SNW1: variants seen among roughly 807,000 people sequenced by gnomAD.
SNW1 encodes the protein SNW domain-containing protein 1.
Under a neutral mutation model 75.6 loss-of-function variants are expected in SNW1, and 9 were observed. The ratio of observed to expected loss-of-function variants is 0.12; its 90% CI spans 0.07 to 0.21. The LOEUF is 0.21. Ranked by LOEUF, SNW1 falls within the 10% of genes least tolerant of loss-of-function variation. The pLI is 1.00. For missense variants in SNW1, 409 were observed against 670.9 expected (o/e 0.61, Z 4.31); for synonymous variants, 200 against 219.1 (o/e 0.91, Z 0.77).
chr14:77,751,845 C>A lies in SNW1; in HGVS notation c.169-365G>T, dbSNP rs7492354. ...ACACACACACACACACACACACACA[C>A]CACACACACACACACACAAAGCATT... is the stretch of plus-strand genomic sequence containing the variant. On this transcript the variant is annotated intron_variant, in intron 2 of 13. Transcript: ENST00000261531. Among the ~76,000 whole-genome samples the A allele has an allele frequency of 8.8e-4, 108 of 122,634 alleles. 1 individual carries two copies. Among genetic ancestry groups the A allele is most frequent in the African/African-American group, 2.4e-3 (63 of 26,692 alleles). 80.5% of individuals were successfully genotyped at this position (122,634 alleles called of 152,430 possible). A position where few individuals can be genotyped will look rare whatever the true frequency, so the allele number is the denominator to read the frequency against.
At chr14:77,723,434 CT>C (rs2080559801) in intron 10 of SNW1, among the ~76,000 whole-genome samples, 157 bp from the exon 11 acceptor site, 2 of 152,242 alleles carry the variant, frequency 1.3e-5, no homozygotes, top group Admixed American at 6.5e-5. Context: ...ACTGCAGCCA[CT>C]ACCTCCTGGA....
chr14:77,760,791 T>C (rs907157083), intron 1 of SNW1: 8 of 707,400 alleles, frequency 1.1e-5, no homozygotes, highest in Admixed American at 2.0e-5. Context: ...CCCCATCTCG[T>C]TCGCCCGAGC....
chr14:77,758,315 C>CAAAAAAAAAAAAAAAAA (rs55707854), intron 1 of SNW1, among the ~76,000 whole-genome samples: 56 of 85,806 alleles, frequency 6.5e-4, no homozygotes, highest in Non-Finnish European at 8.8e-4. Context: ...GACTCTGCCA[C>CAAAAAAAAAAAAAAAAA]AAAAAAAAAA....
In SNW1 at chr14:77,723,275, C is replaced by T; in HGVS notation, c.1036G>A (p.Asp346Asn). 1 of 1,612,774 alleles carries T rather than the reference C, an allele frequency of 6.2e-7. No individual in the cohort carries two copies. Among genetic ancestry groups the T allele is most frequent in the Non-Finnish European group, 8.5e-7 (1 of 1,178,862 alleles). ...AGIKTHVEKE[D>N]GEARERDEIR... ...TCATCCCTCTCACGTGCCTCCCCAT[C>T]CTCTGTGTGAACAGTTGAAAAGTAC... Residue 346 changes from aspartate (D) to asparagine (N), a missense_variant and splice_region_variant, in exon 11 of 14, where the codon GAT becomes AAT. Asp to Asn is a conservative substitution (Grantham distance 23). Around this residue, in one of 9 missense-constraint regions of SNW1, gnomAD observed 37 missense variants for 110.0 expected, o/e 0.34. Coordinates refer to ENST00000261531, the MANE Select transcript of SNW1 (RefSeq NM_012245.3).
At chr14:77,751,198 C>T in intron 3 of SNW1, 121 bp downstream of exon 3, 1 of 998,832 alleles carries the variant, frequency 1.0e-6, no homozygotes, top group Non-Finnish European at 1.5e-6. Flanking sequence ...TAGGTACGAG[C>T]CACCATGCCC....
intron 5 of SNW1, 85 bp downstream of exon 5, chr14:77,738,693 T>C (rs112621186): frequency 5.6e-6 from 5 of 888,820 alleles, no homozygotes; most frequent in Middle Eastern, 2.2e-4. Flanking sequence ...TAATGGTTGC[T>C]AAGTGGGTTA....
At chr14:77,721,355 T>C (rs1368304306) in intron 11 of SNW1, among the ~76,000 whole-genome samples, 1 of 152,232 alleles carries the variant, frequency 6.6e-6, no homozygotes, top group Non-Finnish European at 1.5e-5. Context: ...TTGCATTATA[T>C]ATGCAACCTA....
chr14:77,761,007 A>G (rs761843317), intron 1 of SNW1, 107 bp downstream of exon 1: 1 of 1,613,808 alleles, frequency 6.2e-7, no homozygotes, highest in South Asian at 1.1e-5. Context: ...GGCCCACGTC[A>G]TTCTGTGCCC....
chr14:77,752,393 G>A (rs976544649), intron 2 of SNW1, among the ~76,000 whole-genome samples: 3 of 152,068 alleles, frequency 2.0e-5, no homozygotes, highest in Admixed American at 6.6e-5. Context: ...TTTTAAAAAG[G>A]TTTATCAAAT....
rs369818984 is a variant in SNW1 at position 77,738,344 on chromosome 14, C to T, written c.533+434G>A. On this transcript the variant is annotated intron_variant, in intron 5 of 13. Coordinates refer to ENST00000261531, the MANE Select transcript of SNW1 (RefSeq NM_012245.3). ...TAAAAAGAGGCCAAGTCTGGTGGCT[C>T]AAGTCTGTAATCTCAGCACTTTGGG... Among the ~76,000 whole-genome samples, 149 of 152,116 alleles carry T rather than the reference C, an allele frequency of 9.8e-4. 1 individual carries two copies. The South Asian group carries it at 0.024, about 24-fold the overall frequency.
intron 12 of SNW1, 29 bp downstream of exon 12, chr14:77,720,682 C>G (rs1162539746): frequency 7.1e-7 from 1 of 1,399,528 alleles, no homozygotes; most frequent in Admixed American, 1.7e-5. Context: ...CACATCAACA[C>G]ACACAATATG....
chr14:77,725,589 C>T (rs913778880), intron 10 of SNW1, among the ~76,000 whole-genome samples: 1 of 152,114 alleles, frequency 6.6e-6, no homozygotes, highest in African/African-American at 2.4e-5. Flanking sequence ...AGAGACTATC[C>T]TTTCCCCAAT....
At chr14:77,732,427 T>G in intron 9 of SNW1, 58 bp downstream of exon 9, 1 of 947,536 alleles carries the variant, frequency 1.1e-6, no homozygotes, top group Non-Finnish European at 1.7e-6. Context: ...GTACCTTAGG[T>G]AACCAAGAAT....
chr14:77,739,696 C>T (rs1364316503), intron 3 of SNW1, among the ~76,000 whole-genome samples: 1 of 151,986 alleles, frequency 6.6e-6, no homozygotes, highest in Non-Finnish European at 1.5e-5. Flanking sequence ...TGTTATATGA[C>T]TTCTACTATG....
chr14:77,723,027 T>C (rs2080555563), intron 11 of SNW1, among the ~76,000 whole-genome samples, 154 bp downstream of exon 11: 1 of 151,998 alleles, frequency 6.6e-6, no homozygotes, highest in African/African-American at 2.4e-5. Context: ...TTTTGTACTT[T>C]TAGTAGACAC....
chr14:77,718,139 GCTATCTGAGGGTCT>G lies in SNW1; in HGVS notation c.1546_1559del (p.Arg516GlnfsTer9). On this transcript the variant is annotated frameshift_variant, in exon 14 of 14. Coordinates refer to ENST00000261531, the MANE Select transcript of SNW1 (RefSeq NM_012245.3). LOFTEE classifies it high-confidence loss of function. ...CATGCTCGTGTTCCTTGGGGCGGCT[GCTATCTGAGGGTCT>G]TTTAGAGCCACCATGCTGTTTGGCT... The G allele has an allele frequency of 6.2e-7, 1 of 1,610,722 alleles. No homozygotes were observed. The highest frequency in any genetic ancestry group is 8.5e-7 in the Non-Finnish European group (1 of 1,178,662).
At chr14:77,749,663 G>A (rs560226178) in intron 3 of SNW1, among the ~76,000 whole-genome samples, 5 of 152,050 alleles carry the variant, frequency 3.3e-5, no homozygotes, top group Non-Finnish European at 5.9e-5. Flanking sequence ...GCTACTCGGG[G>A]GGCTGACATA....
chr14:77,718,362 G>T lies in SNW1; in HGVS notation c.1412+5C>A, dbSNP rs2080507370. The T allele has an allele frequency of 1.9e-6, 3 of 1,614,176 alleles. No homozygotes were observed. In the African/African-American group the frequency reaches 4.0e-5, roughly 22 times the overall value. On this transcript the variant is annotated splice_donor_5th_base_variant and intron_variant, in intron 13 of 13. Transcript: ENST00000261531. ...ACACTGAAATTGAGTTGTATGGCTT[G>T]GCACCTGTTGGTCTTTATTCTGGCT...
At chr14:77,739,232 C>T (rs1185701660) in intron 3 of SNW1, among the ~76,000 whole-genome samples, 171 bp from the exon 4 acceptor site, 1 of 152,178 alleles carries the variant, frequency 6.6e-6, no homozygotes, top group Non-Finnish European at 1.5e-5. Context: ...AAACAAATTG[C>T]TACCCTGGCT....
Sources: allele counts gnomAD v4.1 joint callset (sites outside exome capture counted in the v4.1 genomes callset), GRCh38; gene constraint gnomAD v4.1.1; regional missense constraint gnomAD v4.1.1; transcripts MANE v1.5; gene names NCBI Gene and HGNC (gene_info 2026-07-23, HGNC 2026-07-21).